Variants in FBXL17 observed in about 807,000 individuals in gnomAD.
FBXL17 encodes F-box/LRR-repeat protein 17.
In FBXL17, 22 loss-of-function variants were observed where a neutral mutation model predicts 66.2. The observed-to-expected ratio is 0.33, with a 90% CI of 0.24 to 0.47. The LOEUF (loss-of-function observed/expected upper bound fraction) is 0.47. Ranked by LOEUF, FBXL17 falls within the 20% of genes least tolerant of loss-of-function variation. The probability of loss-of-function intolerance (pLI) is 1.00; values close to 1 mark genes in which losing one functional copy is unlikely to be tolerated. For missense variants in FBXL17, 878 were observed against 948.2 expected, an observed-to-expected ratio of 0.93 and a Z score of 0.97; for synonymous variants, 474 against 400.5, an observed-to-expected ratio of 1.18 and a Z score of -2.19.
chr5:108,259,795 A>G (rs1756733729), intron 4 of FBXL17, among the ~76,000 whole-genome samples: 1 of 152,228 alleles, frequency 6.6e-6, no homozygotes, highest in African/African-American at 2.4e-5. Context: ...CTGTCAAAAT[A>G]AAAATTTAAA....
At chr5:108,154,615 AT>A (rs1751906667) in intron 6 of FBXL17, among the ~76,000 whole-genome samples, 1 of 77,930 alleles carries the variant, frequency 1.3e-5, no homozygotes, top group African/African-American at 7.0e-5. Flanking sequence ...AAATATATAT[AT>A]ACACACACAC....
At chr5:107,924,089 T>A (rs1403852942) in intron 7 of FBXL17, among the ~76,000 whole-genome samples, 6 of 137,692 alleles carry the variant, frequency 4.4e-5, no homozygotes, top group African/African-American at 1.7e-4. Flanking sequence ...TTTTTTAAGA[T>A]ATGGGGTCTT....
intron 4 of FBXL17, among the ~76,000 whole-genome samples, chr5:108,275,525 G>A (rs1757449112): frequency 1.3e-5 from 2 of 152,156 alleles, no homozygotes; most frequent in African/African-American, 4.8e-5. Context: ...TAGGTCAAAT[G>A]TTTTACTATC....
chr5:108,028,069 G>A (rs1754897783), intron 6 of FBXL17, among the ~76,000 whole-genome samples: 1 of 152,024 alleles, frequency 6.6e-6, no homozygotes, highest in Admixed American at 6.6e-5. Flanking sequence ...CATGTAACAA[G>A]GATTTACCAT....
intron 4 of FBXL17, among the ~76,000 whole-genome samples, chr5:108,251,174 G>C (rs925313873): frequency 1.2e-4 from 18 of 152,096 alleles, no homozygotes; most frequent in East Asian, 3.9e-4. Flanking sequence ...TACTGTCTTT[G>C]AGAAAAACTG....
chr5:108,379,529 A>C (rs1450260214), intron 1 of FBXL17, among the ~76,000 whole-genome samples: 1 of 152,138 alleles, frequency 6.6e-6, no homozygotes, highest in Admixed American at 6.5e-5. Context: ...ACCCAAACAC[A>C]CAGTACTGTA....
At chr5:108,334,591 A>G (rs368563607) in intron 4 of FBXL17, among the ~76,000 whole-genome samples, 1 of 152,216 alleles carries the variant, frequency 6.6e-6, no homozygotes, top group Non-Finnish European at 1.5e-5. Context: ...AGCAGAAAGG[A>G]TTATGACCAA....
chr5:107,927,200 A>T (rs946942272), intron 7 of FBXL17, among the ~76,000 whole-genome samples: 3 of 152,328 alleles, frequency 2.0e-5, no homozygotes, highest in Middle Eastern at 3.4e-3. Context: ...TTGGTGAACT[A>T]GCCATGACAG....
At chr5:108,232,317 G>A (rs528327783) in intron 4 of FBXL17, among the ~76,000 whole-genome samples, 4 of 152,210 alleles carry the variant, frequency 2.6e-5, no homozygotes, top group Non-Finnish European at 5.9e-5. Context: ...TAAGTTAGGT[G>A]TAATTATGAC....
At chr5:108,244,566 T>C (rs985779463) in intron 4 of FBXL17, among the ~76,000 whole-genome samples, 1 of 152,178 alleles carries the variant, frequency 6.6e-6, no homozygotes. Context: ...AACACTTCCT[T>C]TCTCTATCTA....
In FBXL17 at chr5:107,859,249, A is replaced by T. The variant is rs752302033; in HGVS notation, c.*2471T>A. On this transcript the variant is annotated 3_prime_UTR_variant, in exon 9 of 9. Transcript: ENST00000542267. ...AAAGCCCTGCATTAAACGTGTTCAC[A>T]TGTATTTATGACATTCTAAGCAAAA... The T allele has an allele frequency of 2.6e-5, 4 of 152,126 alleles. No individual in the cohort carries two copies. The highest frequency in any genetic ancestry group is 4.8e-5 in the African/African-American group (2 of 41,434). The allele number at this position is 152,126 out of a possible 1,614,324, so 9.4% of individuals were successfully genotyped here. A position where few individuals can be genotyped will look rare whatever the true frequency, so the allele number is the denominator to read the frequency against.
At chr5:108,360,245 C>T (rs893877968) in intron 3 of FBXL17, among the ~76,000 whole-genome samples, 1 of 152,024 alleles carries the variant, frequency 6.6e-6, no homozygotes, top group Non-Finnish European at 1.5e-5. Flanking sequence ...GGAGGACTCC[C>T]GTTAGCATTT....
intron 7 of FBXL17, among the ~76,000 whole-genome samples, chr5:108,017,242 G>A (rs1423117500): frequency 1.3e-5 from 2 of 152,112 alleles, no homozygotes; most frequent in Non-Finnish European, 2.9e-5. Flanking sequence ...AGAAATCTAC[G>A]ACAAGAAGGC....
intron 7 of FBXL17, among the ~76,000 whole-genome samples, chr5:107,909,970 C>CTACAA (rs1195027277): frequency 1.3e-5 from 2 of 152,084 alleles, no homozygotes; most frequent in Non-Finnish European, 2.9e-5. Context: ...TGGTTGTGTT[C>CTACAA]TACAAACCTG....
intron 7 of FBXL17, among the ~76,000 whole-genome samples, chr5:107,954,790 T>C (rs758497342): frequency 5.3e-5 from 8 of 152,072 alleles, no homozygotes; most frequent in Non-Finnish European, 8.8e-5. Flanking sequence ...TTAGAAAAGT[T>C]AGAACAAAAT....
intron 6 of FBXL17, among the ~76,000 whole-genome samples, chr5:108,174,323 C>G (rs986585527): frequency 1.6e-4 from 25 of 152,092 alleles, no homozygotes; most frequent in Admixed American, 5.2e-4. Context: ...GAATAGTTAA[C>G]ACTTTTAAAA....
chr5:107,874,416 G>A (rs1329910451), intron 8 of FBXL17, among the ~76,000 whole-genome samples: 4 of 152,092 alleles, frequency 2.6e-5, no homozygotes, highest in African/African-American at 9.7e-5. Context: ...GCCTGACTTC[G>A]GGCTAAGGGC....
At chr5:108,144,784 T>C (rs114320572) in intron 6 of FBXL17, among the ~76,000 whole-genome samples, 1,681 of 152,288 alleles carry the variant, frequency 0.011, 41 homozygotes, top group African/African-American at 0.038. Flanking sequence ...GGAATGAAAC[T>C]GACAAAATCT....
In FBXL17 at chr5:108,317,761, T is replaced by TC. The variant is rs1759438297; in HGVS notation, c.1506+30637dup. Among the ~76,000 whole-genome samples, 4 of 151,500 alleles carry TC rather than the reference T, an allele frequency of 2.6e-5. No homozygotes were observed. The South Asian group carries it at 8.3e-4, about 31-fold the overall frequency. On this transcript the variant is annotated intron_variant, in intron 4 of 8. Transcript: ENST00000542267. ...TTAAAACAATATGATTAAATATCTA[T>TC]CCCAAGACCTACATAGAATTTCTGC...
Sources: allele counts gnomAD v4.1 joint callset (sites outside exome capture counted in the v4.1 genomes callset), GRCh38; gene constraint gnomAD v4.1.1; transcripts MANE v1.5; gene names NCBI Gene and HGNC (gene_info 2026-07-23, HGNC 2026-07-21).